Variants in CC2D2A observed in about 807,000 individuals in gnomAD.
CC2D2A encodes coiled-coil and C2 domain containing 2A.
CC2D2A carries 155 observed loss-of-function variants against 212.9 expected under a neutral mutation model. That is an observed-to-expected ratio of 0.73 (90% CI 0.64 to 0.83). CC2D2A has a LOEUF of 0.83. CC2D2A is among the 40% of genes least tolerant of loss of function. The pLI is 0.00. For missense variants in CC2D2A, 1,856 were observed against 1,956.2 expected, an observed-to-expected ratio of 0.95 and a Z score of 0.97; for synonymous variants, 667 against 686.5, an observed-to-expected ratio of 0.97 and a Z score of 0.44.
At chr4:15,551,085 A>T (rs574421326) in intron 18 of CC2D2A, 105 bp downstream of exon 18, 2 of 1,050,322 alleles carry the variant, frequency 1.9e-6, no homozygotes, top group East Asian at 5.4e-5. Flanking sequence ...TAAAATTGAT[A>T]TCAAAAATTC....
chr4:15,579,632 A>G (rs1410409685), intron 29 of CC2D2A, among the ~76,000 whole-genome samples: 2 of 152,160 alleles, frequency 1.3e-5, no homozygotes, highest in African/African-American at 4.8e-5. Flanking sequence ...AATACACACA[A>G]AACTCTACTG....
At chr4:15,518,219 G>C (rs1716994753) in intron 11 of CC2D2A, among the ~76,000 whole-genome samples, 1 of 152,152 alleles carries the variant, frequency 6.6e-6, no homozygotes, top group Non-Finnish European at 1.5e-5. Flanking sequence ...TCCCATCTGA[G>C]ACAAAGCAAG....
intron 22 of CC2D2A, among the ~76,000 whole-genome samples, chr4:15,560,203 G>T (rs550683070): frequency 6.6e-6 from 1 of 152,286 alleles, no homozygotes; most frequent in South Asian, 2.1e-4. Context: ...TCTTAAGTAT[G>T]TGTGTTTTGA....
intron 4 of CC2D2A, among the ~76,000 whole-genome samples, chr4:15,499,491 T>C (rs2108994781): frequency 6.6e-6 from 1 of 152,310 alleles, no homozygotes; most frequent in South Asian, 2.1e-4. Flanking sequence ...AGAGCTACTT[T>C]TTATGGTCTC....
intron 33 of CC2D2A, 101 bp from the exon 34 acceptor site, chr4:15,595,984 C>A: frequency 1.3e-6 from 1 of 741,370 alleles, no homozygotes; most frequent in Non-Finnish European, 2.0e-6. Context: ...TGAACACTTG[C>A]TGTCTCTCTG....
intron 11 of CC2D2A, among the ~76,000 whole-genome samples, chr4:15,522,812 G>A (rs1305332657): frequency 6.6e-6 from 1 of 152,102 alleles, no homozygotes; most frequent in Non-Finnish European, 1.5e-5. Context: ...TGATAGCAAA[G>A]TAGGGTTAAA....
chr4:15,569,175 T>A (rs1720039147), intron 26 of CC2D2A, 118 bp from the exon 27 acceptor site: 1 of 633,704 alleles, frequency 1.6e-6, no homozygotes, highest in South Asian at 1.9e-5. Flanking sequence ...ATGAAAGCAA[T>A]GCTTTTAATT....
intron 4 of CC2D2A, among the ~76,000 whole-genome samples, chr4:15,488,846 G>T (rs145047566): frequency 1.0e-3 from 154 of 152,332 alleles, no homozygotes; most frequent in African/African-American, 3.5e-3. Context: ...CTAATGAACC[G>T]CACCAGAAAC....
rs532032278 is a variant in CC2D2A, at chr4:15,487,137, T to G, written c.247+6310T>G. ...TATTCTGCAGCTGTTGGATGAAATG[T>G]TCTTTAAATCTGTTAGTTTCATTTG... On this transcript the variant is annotated intron_variant, in intron 4 of 36. Transcript: ENST00000424120. 9.2e-5 allele frequency among the ~76,000 whole-genome samples: 14 copies of G among 152,280 alleles called. No homozygotes were observed. The South Asian group carries it at 2.9e-3, about 32-fold the overall frequency.
intron 5 of CC2D2A, 72 bp downstream of exon 5, chr4:15,502,589 T>C (rs1273672855): frequency 1.5e-6 from 2 of 1,342,202 alleles, no homozygotes; most frequent in African/African-American, 3.0e-5. Context: ...GCTTACTTTT[T>C]ATGCTCCAAA....
chr4:15,555,187 G>T lies in CC2D2A; in HGVS notation c.2602G>T (p.Ala868Ser). 5 of 1,613,692 alleles carry T rather than the reference G, an allele frequency of 3.1e-6. No individual in the cohort carries two copies. Among genetic ancestry groups the T allele is most frequent in the Non-Finnish European group, 4.2e-6 (5 of 1,179,760 alleles). The part of the protein sequence containing the change: ...SKLDPNDPNN[A>S]PLMQLISVAT... Reference sequence around the variant, plus strand: ...GCTCGACCCAAATGACCCCAACAATGCCCCTTTGATGCAGCTTATCTCGGT... The same window carrying T: ...GCTCGACCCAAATGACCCCAACAATTCCCCTTTGATGCAGCTTATCTCGGT... The change falls in exon 20 of 37, where the codon GCC becomes TCC. Residue 868 changes from alanine to serine, a missense_variant. Ala to Ser is a moderately conservative substitution (Grantham distance 99). This residue lies in a region of CC2D2A where 1,512 missense variants were observed against 1,579.3 expected (regional missense o/e 0.96). Coordinates refer to ENST00000424120, the MANE Select transcript of CC2D2A (RefSeq NM_001378615.1).
At chr4:15,482,086 A>C in intron 4 of CC2D2A, 1 of 985,446 alleles carries the variant, frequency 1.0e-6, no homozygotes, top group Non-Finnish European at 1.2e-6. Flanking sequence ...ACACTTTTTA[A>C]TTGTTACATA....
chr4:15,494,130 A>G (rs909379212), intron 4 of CC2D2A, among the ~76,000 whole-genome samples: 1 of 152,010 alleles, frequency 6.6e-6, no homozygotes, highest in African/African-American at 2.4e-5. Flanking sequence ...ATTCCTGACA[A>G]CTCTCAGAGT....
At chr4:15,515,803 A>G in intron 9 of CC2D2A, 65 bp from the exon 10 acceptor site, 1 of 1,419,142 alleles carries the variant, frequency 7.0e-7, no homozygotes, top group South Asian at 1.4e-5. Flanking sequence ...TTAATTCACC[A>G]AACTGCAGTT....
At chr4:15,575,570 AAAAC>A (rs1720368130) in intron 29 of CC2D2A, among the ~76,000 whole-genome samples, 1 of 152,212 alleles carries the variant, frequency 6.6e-6, no homozygotes, top group South Asian at 2.1e-4. Flanking sequence ...GAGATGGAAA[AAAAC>A]AAACATACTC....
intron 20 of CC2D2A, 115 bp downstream of exon 20, chr4:15,555,325 C>T (rs969888636): frequency 4.4e-5 from 58 of 1,308,758 alleles, no homozygotes; most frequent in Non-Finnish European, 5.5e-5. Context: ...GGGTTGAATG[C>T]CAAGTTTGAA....
At chr4:15,560,662 A>C in intron 23 of CC2D2A, 40 bp downstream of exon 23, 1 of 873,392 alleles carries the variant, frequency 1.1e-6, no homozygotes, top group Non-Finnish European at 1.8e-6. Flanking sequence ...TTCTTATAAA[A>C]ATTATTATTT....
intron 36 of CC2D2A, among the ~76,000 whole-genome samples, chr4:15,600,529 T>G (rs1243622528): frequency 6.6e-6 from 1 of 152,176 alleles, no homozygotes; most frequent in African/African-American, 2.4e-5. Flanking sequence ...CCATTATTCC[T>G]AACAAGTTTC....
intron 31 of CC2D2A, among the ~76,000 whole-genome samples, chr4:15,587,582 A>T (rs983507648): frequency 6.6e-6 from 1 of 152,238 alleles, no homozygotes; most frequent in Non-Finnish European, 1.5e-5. Context: ...TACCACAATC[A>T]TAGTGAGTAT....
Sources: allele counts gnomAD v4.1 joint callset (sites outside exome capture counted in the v4.1 genomes callset), GRCh38; gene constraint gnomAD v4.1.1; regional missense constraint gnomAD v4.1.1; transcripts MANE v1.5; gene names NCBI Gene and HGNC (gene_info 2026-07-23, HGNC 2026-07-21).